MYOM1: variants seen among roughly 807,000 people sequenced by gnomAD.
MYOM1 encodes myomesin 1, also known as myomesin-1.
Under a neutral mutation model 205.3 loss-of-function variants are expected in MYOM1, and 164 were observed. The ratio of observed to expected loss-of-function variants is 0.80; its 90% CI spans 0.70 to 0.91. MYOM1 has a LOEUF of 0.91. MYOM1 is among the 40% of genes least tolerant of loss of function. The pLI, the probability that MYOM1 is intolerant of heterozygous loss-of-function variation, is 0.00. For missense variants in MYOM1, 2,011 were observed against 2,127.3 expected, an observed-to-expected ratio of 0.95 and a Z score of 1.08; for synonymous variants, 772 against 789.4, an observed-to-expected ratio of 0.98 and a Z score of 0.37.
chr18:3,195,540 T>A (rs1482798582), intron 2 of MYOM1, among the ~76,000 whole-genome samples: 1 of 152,172 alleles, frequency 6.6e-6, no homozygotes, highest in Non-Finnish European at 1.5e-5. Context: ...AACATACTTA[T>A]GGGGCTTAAG....
At chr18:3,236,145 G>A in the MYOM1 span, among the ~76,000 whole-genome samples, 445 of 151,544 alleles carry the variant, frequency 2.9e-3, 6 homozygotes, top group African/African-American at 0.01. Context: ...GCATAGTCAC[G>A]TAAGTAGAGG....
rs2079875262 is a variant in MYOM1 at position 3,131,490 on chromosome 18, A to G, written c.2391T>C (p.Thr797=). 2 of 1,610,184 alleles carry G rather than the reference A, an allele frequency of 1.2e-6. No homozygotes were observed. Among genetic ancestry groups the G allele is most frequent in the East Asian group, 4.5e-5 (2 of 44,858 alleles). ...TCTGACCAGTCACTAATCCATGACA[A>G]GTGAATCTAAAAGGAAAACAAGTTT... ...NNNPVKGSRF[T]CHGLVTGQSY... is the part of the protein sequence containing the mutation. The change falls in exon 17 of 38, where the codon ACT becomes ACC. Residue 797 remains threonine (T), a synonymous_variant. Transcript: ENST00000356443.
chr18:3,089,141 G>A (rs757671351), intron 29 of MYOM1, 33 bp downstream of exon 29: 132 of 1,484,456 alleles, frequency 8.9e-5, no homozygotes, highest in Non-Finnish European at 6.6e-5. Context: ...TATTTCCCTT[G>A]AATCAAATAT....
chr18:3,112,523 C>T (rs2079542792), intron 21 of MYOM1, 111 bp from the exon 22 acceptor site: 1 of 692,754 alleles, frequency 1.4e-6, no homozygotes, highest in Non-Finnish European at 2.3e-6. Context: ...TGACCTAGCA[C>T]CAGGGATACA....
intron 5 of MYOM1, among the ~76,000 whole-genome samples, chr18:3,186,886 AAGAAAG>A (rs1376567320): frequency 1.3e-5 from 2 of 151,098 alleles, no homozygotes; most frequent in African/African-American, 4.9e-5. Context: ...GAGAGAAAGA[AAGAAAG>A]AGAAAGAAGG....
At chr18:3,238,096 C>T in the MYOM1 span, among the ~76,000 whole-genome samples, 1 of 152,140 alleles carries the variant, frequency 6.6e-6, no homozygotes, top group African/African-American at 2.4e-5. Flanking sequence ...ATACAACTCA[C>T]CATAATGTAG....
intron 3 of MYOM1, among the ~76,000 whole-genome samples, chr18:3,190,119 A>G (rs2080883492): frequency 6.6e-6 from 1 of 152,222 alleles, no homozygotes; most frequent in African/African-American, 2.4e-5. Flanking sequence ...AGGGAGTGGC[A>G]ACATCCCAAG....
chr18:3,068,082 C>T (rs2078918472), intron 37 of MYOM1, among the ~76,000 whole-genome samples: 1 of 152,128 alleles, frequency 6.6e-6, no homozygotes, highest in Non-Finnish European at 1.5e-5. Context: ...CAATCTGCTG[C>T]AGTTGCAGTG....
intron 5 of MYOM1, among the ~76,000 whole-genome samples, chr18:3,183,193 T>G (rs2080763674): frequency 6.6e-6 from 1 of 152,138 alleles, no homozygotes; most frequent in Non-Finnish European, 1.5e-5. Context: ...CCTCCCAAAG[T>G]GCTGGGATTA....
At chr18:3,148,795 G>T (rs764376208) in intron 13 of MYOM1, among the ~76,000 whole-genome samples, 16 of 126,744 alleles carry the variant, frequency 1.3e-4, no homozygotes, top group Non-Finnish European at 2.4e-4. Flanking sequence ...GTAGTGAGCC[G>T]AGATCGCACC....
At chr18:3,150,692 T>C (rs2080206294) in intron 12 of MYOM1, among the ~76,000 whole-genome samples, 1 of 152,218 alleles carries the variant, frequency 6.6e-6, no homozygotes, top group Non-Finnish European at 1.5e-5. Flanking sequence ...TCATTTTACG[T>C]TCCCTATTGT....
At chr18:3,241,914 T>C in the MYOM1 span, among the ~76,000 whole-genome samples, 6 of 152,346 alleles carry the variant, frequency 3.9e-5, no homozygotes, top group East Asian at 1.2e-3. Flanking sequence ...TTGACTGCCC[T>C]GCTGGATTTT....
chr18:3,168,787 C>T (rs745630512), intron 9 of MYOM1, 30 bp downstream of exon 9: 1 of 1,611,700 alleles, frequency 6.2e-7, no homozygotes, highest in East Asian at 2.2e-5. Context: ...CGAATAAGAA[C>T]CTAAGTGAGC....
intron 18 of MYOM1, among the ~76,000 whole-genome samples, chr18:3,128,211 C>G (rs1369449415): frequency 6.6e-6 from 1 of 152,188 alleles, no homozygotes; most frequent in Non-Finnish European, 1.5e-5. Flanking sequence ...AAAAAGCTTT[C>G]TCTCTCTCCC....
intron 10 of MYOM1, among the ~76,000 whole-genome samples, chr18:3,162,057 T>C (rs754189031): frequency 6.6e-5 from 10 of 152,248 alleles, no homozygotes; most frequent in Non-Finnish European, 2.9e-5. Context: ...AAAATGTTTA[T>C]GAGTTTATGA....
At chr18:3,203,224 C>T (rs2081088820) in intron 2 of MYOM1, among the ~76,000 whole-genome samples, 1 of 149,954 alleles carries the variant, frequency 6.7e-6, no homozygotes, top group African/African-American at 2.4e-5. Flanking sequence ...AAGCTTCCAT[C>T]ATAAGTAGCT....
chr18:3,187,707 A>C, intron 4 of MYOM1, 70 bp from the exon 5 acceptor site: 1 of 1,427,474 alleles, frequency 7.0e-7, no homozygotes, highest in Non-Finnish European at 9.4e-7. Context: ...TTTGGTGCTA[A>C]AATAACAAGT....
At position 3,188,892 on chromosome 18, in the gene MYOM1, C is replaced by CGTGGACTGCTTGGATGCT. The variant is rs1211124611; in HGVS notation, c.609_626dup (p.Lys206_Ser211dup). 6.2e-7 allele frequency: 1 copy of CGTGGACTGCTTGGATGCT among 1,608,478 alleles called. No individual in the cohort carries two copies. The highest frequency in any genetic ancestry group is 1.3e-5 in the African/African-American group (1 of 74,286). ...TGGATGCCGTGGACTGCCTGGATGC[C>CGTGGACTGCTTGGATGCT]GTGGACTGCTTGGATGCTGTGGACT... is the stretch of plus-strand genomic sequence containing the variant. On this transcript the variant is annotated inframe_insertion, in exon 4 of 38. Coordinates refer to ENST00000356443, the MANE Select transcript of MYOM1 (RefSeq NM_003803.4).
At chr18:3,071,037 G>T (rs1161758797) in intron 37 of MYOM1, among the ~76,000 whole-genome samples, 1 of 152,110 alleles carries the variant, frequency 6.6e-6, no homozygotes, top group African/African-American at 2.4e-5. Flanking sequence ...GAGATTACAG[G>T]CGTGAGCCAC....
Sources: gnomAD v4.1 joint callset for allele counts (sites outside exome capture counted in the v4.1 genomes callset) on GRCh38, gnomAD v4.1.1 for gene constraint, MANE v1.5 for transcripts, NCBI Gene and HGNC (gene_info 2026-07-23, HGNC 2026-07-21) for gene names.